The following TMEM215 variants were observed in gnomAD, a reference collection of about 807,000 sequenced individuals.
TMEM215 encodes the protein transmembrane protein 215.
In TMEM215, 12 loss-of-function variants were observed where a neutral mutation model predicts 14.7. The ratio of observed to expected loss-of-function variants is 0.82; its 90% CI spans 0.52 to 1.33. TMEM215 has a LOEUF of 1.33. TMEM215 is among the 40% of genes most tolerant of loss of function. TMEM215 has a pLI of 0.00. For missense variants in TMEM215, 276 were observed against 296.2 expected, an observed-to-expected ratio of 0.93 and a Z score of 0.50; for synonymous variants, 122 against 124.8, an observed-to-expected ratio of 0.98 and a Z score of 0.15.
rs141926742 is a variant in TMEM215 at position 32,784,601 on chromosome 9, C to T, written c.418C>T (p.Pro140Ser). 16 of 1,613,508 alleles carry T rather than the reference C, an allele frequency of 9.9e-6. No individual in the cohort carries two copies. Among genetic ancestry groups the T allele is most frequent in the Non-Finnish European group, 1.4e-5 (16 of 1,179,890 alleles). Reference sequence around the variant, plus strand: ...GGCCAGCTCCATCAACAGCCCCACACCCACGGAGGAAGGAGAATGCCAGAG... The same window carrying T: ...GGCCAGCTCCATCAACAGCCCCACATCCACGGAGGAAGGAGAATGCCAGAG... ...SVASSINSPT[P>S]TEEGECQSLV... Residue 140 changes from proline (P) to serine (S), a missense_variant, in exon 2 of 2, where the codon CCC becomes TCC. Pro to Ser is a moderately conservative substitution (Grantham distance 74, BLOSUM62 -1). Coordinates refer to ENST00000342743, the MANE Select transcript of TMEM215 (RefSeq NM_212558.3).
In TMEM215 at chr9:32,784,606, G is replaced by T. The variant is rs1476726089; in HGVS notation, c.423G>T (p.Thr141=). 1 of 1,613,590 alleles carries T rather than the reference G, an allele frequency of 6.2e-7. No homozygotes were observed. The highest frequency in any genetic ancestry group is 1.1e-5 in the South Asian group (1 of 91,040). ...VASSINSPTP[T]EEGECQSLVQ... is the part of the protein sequence containing the mutation. ...GCTCCATCAACAGCCCCACACCCAC[G>T]GAGGAAGGAGAATGCCAGAGCCTCG... Residue 141 remains threonine, a synonymous_variant, in exon 2 of 2, where the codon ACG becomes ACT. Transcript: ENST00000342743.
Position 32,788,917 on chromosome 9 carries a change from A to G in TMEM215, c.*4026A>G, listed in dbSNP as rs1003965130. Among the ~76,000 whole-genome samples the G allele has an allele frequency of 6.6e-6, 1 of 152,258 alleles. No homozygotes were observed. The highest frequency in any genetic ancestry group is 1.5e-5 in the Non-Finnish European group (1 of 68,050). On this transcript the variant is annotated 3_prime_UTR_variant, in exon 2 of 2. Coordinates refer to ENST00000342743, the MANE Select transcript of TMEM215 (RefSeq NM_212558.3). ...TTCAAGAGCATCGTGTTCAACAAGC[A>G]AAATGATAAATAGATGTAAACAATA...
chr9:32,785,065 T>C lies in TMEM215; in HGVS notation c.*174T>C. 3 of 626,568 alleles carry C rather than the reference T, an allele frequency of 4.8e-6. No homozygotes were observed. The highest frequency in any genetic ancestry group is 8.6e-6 in the Non-Finnish European group (3 of 350,488). The allele number at this position is 626,568 out of a possible 1,614,324, so 38.8% of individuals were successfully genotyped here. ...TGTAAATAGGCATGTTGGGGACACA[T>C]TTTAGGGAAGGGCGATGAGGGTTAA... On this transcript the variant is annotated 3_prime_UTR_variant, in exon 2 of 2. Transcript: ENST00000342743.
rs1309917452 is a variant in TMEM215 at position 32,784,380 on chromosome 9, G to A, written c.197G>A (p.Cys66Tyr). 6.2e-7 allele frequency: 1 copy of A among 1,614,214 alleles called. No individual in the cohort carries two copies. The highest frequency in any genetic ancestry group is 8.5e-7 in the Non-Finnish European group (1 of 1,180,040). ...AIALARKTEG[C>Y]TKWPENELLW... ...GCCCTGGCCAGGAAAACCGAGGGAT[G>A]CACCAAGTGGCCAGAGAACGAGCTG... The change falls in exon 2 of 2, where the codon TGC (cysteine) becomes TAC (tyrosine). Residue 66 changes from cysteine to tyrosine, a missense_variant. Cys to Tyr is a radical substitution (Grantham distance 194, BLOSUM62 -2). Transcript: ENST00000342743.
Position 32,785,632 on chromosome 9 carries a change from T to C in TMEM215, c.*741T>C, listed in dbSNP as rs914123489. On this transcript the variant is annotated 3_prime_UTR_variant, in exon 2 of 2. Transcript: ENST00000342743. ...TGCATCTTTATCTGAAATGGGTTTTTTCTAAACATTTACTATCATTCATGT... is the reference window on the plus strand; with the variant it reads ...TGCATCTTTATCTGAAATGGGTTTTCTCTAAACATTTACTATCATTCATGT... The C allele has an allele frequency of 6.0e-6, 1 of 166,982 alleles. No individual in the cohort carries two copies. Among genetic ancestry groups the C allele is most frequent in the Non-Finnish European group, 1.5e-5 (1 of 68,122 alleles). The allele number at this position is 166,982 out of a possible 1,614,324, so 10.3% of individuals were successfully genotyped here. A position where few individuals can be genotyped will look rare whatever the true frequency, so the allele number is the denominator to read the frequency against.
rs1430180188 is a variant in TMEM215 at position 32,784,751 on chromosome 9, C to T, written c.568C>T (p.Pro190Ser). Residue 190 changes from proline (P) to serine (S), a missense_variant, in exon 2 of 2, where the codon CCT (proline) becomes TCT (serine). By Grantham distance (74) the Pro-to-Ser change is moderately conservative. Transcript: ENST00000342743. ...KCSARDRSECPEPEDSIFFVP... is the reference protein window; with the variant it reads ...KCSARDRSECSEPEDSIFFVP... ...CTCAGCAAGGGACAGATCTGAGTGC[C>T]CTGAGCCTGAGGATAGCATCTTCTT... 2 of 1,613,940 alleles carry T rather than the reference C, an allele frequency of 1.2e-6. No homozygotes were observed. Among genetic ancestry groups the T allele is most frequent in the Non-Finnish European group, 1.7e-6 (2 of 1,180,028 alleles).
At position 32,787,709 on chromosome 9, in the gene TMEM215, T is replaced by A. The variant is rs986700598; in HGVS notation, c.*2818T>A. Among the ~76,000 whole-genome samples the A allele has an allele frequency of 6.6e-6, 1 of 152,098 alleles. No homozygotes were observed. Among genetic ancestry groups the A allele is most frequent in the African/African-American group, 2.4e-5 (1 of 41,446 alleles). ...ACACAGTTTTAGCAAATTGTTCTTA[T>A]CAATATAATAGACATGAGGATTGTT... is the stretch of plus-strand genomic sequence containing the variant. On this transcript the variant is annotated 3_prime_UTR_variant, in exon 2 of 2. Transcript: ENST00000342743.
chr9:32,784,071 G>T, intron 1 of TMEM215, 55 bp from the exon 2 acceptor site: 1 of 960,490 alleles, frequency 1.0e-6, no homozygotes, highest in South Asian at 1.7e-5. Flanking sequence ...AGAGTTGATG[G>T]GTGGGAGCTT....
At position 32,784,686 on chromosome 9, in the gene TMEM215, C is replaced by G. The variant is rs1384362194; in HGVS notation, c.503C>G (p.Ser168Trp). ...TSRYLDGYCP[S>W]GSSLTYSALD... ...AGATACCTGGACGGCTACTGCCCCTCGGGCAGTTCCCTCACCTACAGTGCC... is the reference window on the plus strand; with the variant it reads ...AGATACCTGGACGGCTACTGCCCCTGGGGCAGTTCCCTCACCTACAGTGCC... The change falls in exon 2 of 2, where the codon TCG (serine) becomes TGG (tryptophan). Residue 168 changes from serine (S) to tryptophan (W), a missense_variant. Transcript: ENST00000342743. The G allele has an allele frequency of 6.2e-7, 1 of 1,614,092 alleles. No homozygotes were observed.
Position 32,785,210 on chromosome 9 carries a change from G to A in TMEM215, c.*319G>A. Reference sequence around the variant, plus strand: ...AAGTGCTATCCAGAACCAGCTGAGAGCAAGATAAATCTAGAGTGGGCTGCA... The same window carrying A: ...AAGTGCTATCCAGAACCAGCTGAGAACAAGATAAATCTAGAGTGGGCTGCA... On this transcript the variant is annotated 3_prime_UTR_variant, in exon 2 of 2. Coordinates refer to ENST00000342743, the MANE Select transcript of TMEM215 (RefSeq NM_212558.3). The A allele has an allele frequency of 3.8e-6, 1 of 264,320 alleles. No individual in the cohort carries two copies. Among genetic ancestry groups the A allele is most frequent in the South Asian group, 8.4e-5 (1 of 11,970 alleles). The allele number at this position is 264,320 out of a possible 1,614,324, so 16.4% of individuals were successfully genotyped here. A position where few individuals can be genotyped will look rare whatever the true frequency, so the allele number is the denominator to read the frequency against.
In TMEM215 at chr9:32,784,683, C is replaced by A. The variant is rs935611730; in HGVS notation, c.500C>A (p.Pro167His). 1 of 1,614,104 alleles carries A rather than the reference C, an allele frequency of 6.2e-7. No individual in the cohort carries two copies. Among genetic ancestry groups the A allele is most frequent in the Middle Eastern group, 1.7e-4 (1 of 6,060 alleles). ...TCCAGATACCTGGACGGCTACTGCC[C>A]CTCGGGCAGTTCCCTCACCTACAGT... Reference protein sequence around the residue: ...ETSRYLDGYCPSGSSLTYSAL... With the variant: ...ETSRYLDGYCHSGSSLTYSAL... The change falls in exon 2 of 2, where the codon CCC (proline) becomes CAC (histidine). Residue 167 changes from proline (P) to histidine (H), a missense_variant. Physicochemically the swap from Pro to His is moderately conservative, Grantham distance 77. Coordinates refer to ENST00000342743, the MANE Select transcript of TMEM215 (RefSeq NM_212558.3).
Position 32,786,603 on chromosome 9 carries a change from T to C in TMEM215, c.*1712T>C, listed in dbSNP as rs1424369307. 1 of 166,976 alleles carries C rather than the reference T, an allele frequency of 6.0e-6. No homozygotes were observed. The highest frequency in any genetic ancestry group is 1.5e-5 in the Non-Finnish European group (1 of 68,032). The allele number at this position is 166,976 out of a possible 1,614,324, so 10.3% of individuals were successfully genotyped here. ...CATTTTCAGTGTAAATATTCTATGG[T>C]GTTATGTCAAAGGCATTTTATATAT... On this transcript the variant is annotated 3_prime_UTR_variant, in exon 2 of 2. Transcript: ENST00000342743.
At position 32,789,020 on chromosome 9, in the gene TMEM215, G is replaced by T. The variant is rs1203869643; in HGVS notation, c.*4129G>T. Among the ~76,000 whole-genome samples the T allele has an allele frequency of 6.6e-6, 1 of 152,166 alleles. No homozygotes were observed. The highest frequency in any genetic ancestry group is 2.1e-4 in the South Asian group (1 of 4,826). ...ATTTTATAATAGATGTATTTCATAT[G>T]TATATGTATTGTCGCCTATCAGTGA... is the stretch of plus-strand genomic sequence containing the variant. On this transcript the variant is annotated 3_prime_UTR_variant, in exon 2 of 2. Transcript: ENST00000342743.
Position 32,788,940 on chromosome 9 carries a change from A to G in TMEM215, c.*4049A>G, listed in dbSNP as rs1824536736. Reference sequence around the variant, plus strand: ...GCAAAATGATAAATAGATGTAAACAATAATAATGACTTTGTAATATGCCAA... The same window carrying G: ...GCAAAATGATAAATAGATGTAAACAGTAATAATGACTTTGTAATATGCCAA... On this transcript the variant is annotated 3_prime_UTR_variant, in exon 2 of 2. Transcript: ENST00000342743. Among the ~76,000 whole-genome samples, 1 of 152,226 alleles carries G rather than the reference A, an allele frequency of 6.6e-6. No individual in the cohort carries two copies. Among genetic ancestry groups the G allele is most frequent in the Admixed American group, 6.5e-5 (1 of 15,288 alleles).
Position 32,788,903 on chromosome 9 carries a change from C to T in TMEM215, c.*4012C>T, listed in dbSNP as rs949847950. Among the ~76,000 whole-genome samples, 8 of 152,116 alleles carry T rather than the reference C, an allele frequency of 5.3e-5. No homozygotes were observed. Among genetic ancestry groups the T allele is most frequent in the African/African-American group, 1.7e-4 (7 of 41,424 alleles). ...CAGTGGTGTCAGTCTTCAAGAGCAT[C>T]GTGTTCAACAAGCAAAATGATAAAT... On this transcript the variant is annotated 3_prime_UTR_variant, in exon 2 of 2. Transcript: ENST00000342743.
At position 32,784,939 on chromosome 9, in the gene TMEM215, G is replaced by A; in HGVS notation, c.*48G>A. ...GATTGATAGAATATGACTAAGCCCA[G>A]CTCCCCGTGGAAGCAAATTGCTCTG... On this transcript the variant is annotated 3_prime_UTR_variant, in exon 2 of 2. Coordinates refer to ENST00000342743, the MANE Select transcript of TMEM215 (RefSeq NM_212558.3). 2 of 1,502,396 alleles carry A rather than the reference G, an allele frequency of 1.3e-6. No homozygotes were observed. The highest frequency in any genetic ancestry group is 1.8e-6 in the Non-Finnish European group (2 of 1,096,548). The allele number at this position is 1,502,396 out of a possible 1,614,324, so 93.1% of individuals were successfully genotyped here.
Position 32,784,603 on chromosome 9 carries a change from C to A in TMEM215, c.420C>A (p.Pro140=), listed in dbSNP as rs527520671. ...CCAGCTCCATCAACAGCCCCACACC[C>A]ACGGAGGAAGGAGAATGCCAGAGCC... ...SVASSINSPT[P]TEEGECQSLV... is the part of the protein sequence containing the mutation. The change falls in exon 2 of 2, where the codon CCC becomes CCA. Residue 140 remains proline, a synonymous_variant. Transcript: ENST00000342743. The A allele has an allele frequency of 1.2e-6, 2 of 1,613,626 alleles. No homozygotes were observed. Among genetic ancestry groups the A allele is most frequent in the East Asian group, 4.5e-5 (2 of 44,826 alleles).
rs1380722711 is a variant in TMEM215, at chr9:32,786,286, C to G, written c.*1395C>G. ...TCATATAGTCTTAGTCACTTTCTCC[C>G]AAAAGGGGAATTGAGGACAAAAATT... On this transcript the variant is annotated 3_prime_UTR_variant, in exon 2 of 2. Coordinates refer to ENST00000342743, the MANE Select transcript of TMEM215 (RefSeq NM_212558.3). 6.0e-6 allele frequency: 1 copy of G among 166,924 alleles called. No homozygotes were observed. Among genetic ancestry groups the G allele is most frequent in the African/African-American group, 2.4e-5 (1 of 41,414 alleles). The allele number at this position is 166,924 out of a possible 1,614,324, so 10.3% of individuals were successfully genotyped here.
Position 32,783,809 on chromosome 9 carries a change from C to T in TMEM215, c.-59+4C>T, listed in dbSNP as rs1824467642. 1 of 188,590 alleles carries T rather than the reference C, an allele frequency of 5.3e-6. No homozygotes were observed. Among genetic ancestry groups the T allele is most frequent in the Non-Finnish European group, 1.1e-5 (1 of 91,946 alleles). 11.7% of individuals were successfully genotyped at this position (188,590 alleles called of 1,614,324 possible). On this transcript the variant is annotated splice_donor_region_variant and intron_variant, in intron 1 of 1. Transcript: ENST00000342743. ...TGGAGAGGGCAGGAAACCTCAGGTA[C>T]CTCGTTGACCCCAGCCGGAGCGTGT...
Sources: gnomAD v4.1 joint callset for allele counts (sites outside exome capture counted in the v4.1 genomes callset) on GRCh38, gnomAD v4.1.1 for gene constraint, MANE v1.5 for transcripts, NCBI Gene and HGNC (gene_info 2026-07-23, HGNC 2026-07-21) for gene names.